Variants in CSNK1G3 observed in about 807,000 individuals in gnomAD.
CSNK1G3 encodes the protein casein kinase 1 gamma 3.
CSNK1G3 carries 23 observed loss-of-function variants against 64.3 expected under a neutral mutation model. That is an observed-to-expected ratio of 0.36 (90% CI 0.26 to 0.51). CSNK1G3 has a LOEUF of 0.51. Among genes scored for constraint, CSNK1G3 ranks in the 20% least tolerant of loss-of-function variants. The pLI is 0.96. For missense variants in CSNK1G3, 357 were observed against 510.5 expected, an observed-to-expected ratio of 0.70 and a Z score of 2.90; for synonymous variants, 158 against 162.2, an observed-to-expected ratio of 0.97 and a Z score of 0.20.
At chr5:123,575,264 C>T (rs1165759979) in intron 5 of CSNK1G3, among the ~76,000 whole-genome samples, 1 of 152,078 alleles carries the variant, frequency 6.6e-6, no homozygotes, top group Admixed American at 6.5e-5. Flanking sequence ...GAAAAAGATA[C>T]TGAATAGTGC....
intron 2 of CSNK1G3, among the ~76,000 whole-genome samples, chr5:123,546,658 G>C (rs1469290719): frequency 6.6e-6 from 1 of 152,058 alleles, no homozygotes; most frequent in Non-Finnish European, 1.5e-5. Flanking sequence ...GGACCACCAA[G>C]AGTGAACTTT....
intron 1 of CSNK1G3, among the ~76,000 whole-genome samples, chr5:123,530,577 A>T (rs997549025): frequency 1.3e-5 from 2 of 152,190 alleles, no homozygotes; most frequent in Admixed American, 1.3e-4. Flanking sequence ...TTATTAAAAA[A>T]ACTGTTGTCT....
intron 2 of CSNK1G3, among the ~76,000 whole-genome samples, chr5:123,550,372 A>T (rs963182530): frequency 6.6e-6 from 1 of 152,186 alleles, no homozygotes; most frequent in Admixed American, 6.5e-5. Context: ...GAGCATATAC[A>T]TTCCTTTCTG....
intron 4 of CSNK1G3, among the ~76,000 whole-genome samples, chr5:123,562,449 GAAAGAAT>G (rs1785942931): frequency 6.6e-6 from 1 of 152,016 alleles, no homozygotes; most frequent in Non-Finnish European, 1.5e-5. Flanking sequence ...GTAAATGGTT[GAAAGAAT>G]AAATTCTTAA....
intron 6 of CSNK1G3, among the ~76,000 whole-genome samples, chr5:123,577,073 T>C (rs2150754561): frequency 6.6e-6 from 1 of 152,244 alleles, no homozygotes; most frequent in East Asian, 1.9e-4. Flanking sequence ...GGTTCCAGAT[T>C]TGGCCACCCG....
chr5:123,572,677 A>G (rs773269024), intron 4 of CSNK1G3, among the ~76,000 whole-genome samples: 4 of 152,118 alleles, frequency 2.6e-5, no homozygotes, highest in Non-Finnish European at 5.9e-5. Context: ...AAGGATTCCT[A>G]TCTGGCATGT....
chr5:123,554,588 A>T lies in CSNK1G3; in HGVS notation c.219+1441A>T, dbSNP rs181264605. On this transcript the variant is annotated intron_variant, in intron 3 of 12. Transcript: ENST00000345990. Reference sequence around the variant, plus strand: ...GGGATCCGCCTGCCTCGGCCTCCCAAAGTGCTGGGATTACAGGCGTGAGCC... The same window carrying T: ...GGGATCCGCCTGCCTCGGCCTCCCATAGTGCTGGGATTACAGGCGTGAGCC... 6.6e-5 allele frequency among the ~76,000 whole-genome samples: 10 copies of T among 152,326 alleles called. No individual in the cohort carries two copies. In the East Asian group the frequency reaches 1.2e-3, roughly 18 times the overall value.
intron 10 of CSNK1G3, among the ~76,000 whole-genome samples, chr5:123,600,635 AAAAG>A (rs1353509545): frequency 1.7e-4 from 26 of 152,072 alleles, no homozygotes; most frequent in African/African-American, 3.4e-4. Flanking sequence ...AAAAAAAAAA[AAAAG>A]AAAGAAAGAA....
intron 1 of CSNK1G3, among the ~76,000 whole-genome samples, chr5:123,520,382 G>T (rs576242598): frequency 6.6e-6 from 1 of 151,844 alleles, no homozygotes. Context: ...TGAGATTTAG[G>T]ATGATTTTTA....
intron 1 of CSNK1G3, among the ~76,000 whole-genome samples, chr5:123,535,786 T>C (rs1011125409): frequency 1.3e-5 from 2 of 152,240 alleles, no homozygotes; most frequent in Middle Eastern, 3.4e-3. Context: ...ATGGATTGCT[T>C]TTCAGATATC....
At chr5:123,590,093 A>T (rs904083224) in intron 8 of CSNK1G3, among the ~76,000 whole-genome samples, 4 of 152,108 alleles carry the variant, frequency 2.6e-5, no homozygotes, top group African/African-American at 9.7e-5. Context: ...TGCATTATTA[A>T]ACTGCTTATT....
rs988947071 is a variant in CSNK1G3 at position 123,573,638 on chromosome 5, C to G, written c.438+97C>G. ...TTTAAAGTTCTGTGATATTGTCTTA[C>G]AGAGCGTTTGACGTAATACAAATGT... On this transcript the variant is annotated intron_variant, in intron 5 of 12. Coordinates refer to ENST00000345990, the Ensembl canonical transcript of CSNK1G3. 2.6e-6 allele frequency: 3 copies of G among 1,138,780 alleles called. No homozygotes were observed. The African/African-American group carries it at 4.7e-5, about 18-fold the overall frequency. 70.5% of individuals were successfully genotyped at this position (1,138,780 alleles called of 1,614,324 possible). A position where few individuals can be genotyped will look rare whatever the true frequency, so the allele number is the denominator to read the frequency against.
intron 4 of CSNK1G3, 121 bp downstream of exon 4, chr5:123,557,685 A>G (rs1784892713): frequency 1.6e-6 from 1 of 624,998 alleles, no homozygotes; most frequent in Non-Finnish European, 2.7e-6. Context: ...TGTTTACTAT[A>G]CGTTTTCTTA....
intron 6 of CSNK1G3, among the ~76,000 whole-genome samples, chr5:123,584,965 C>A (rs1037923664): frequency 1.8e-4 from 28 of 152,060 alleles, no homozygotes; most frequent in Non-Finnish European, 3.2e-4. Flanking sequence ...TTTCTTTTAG[C>A]CTGCTGAGAG....
intron 1 of CSNK1G3, among the ~76,000 whole-genome samples, chr5:123,526,113 C>A (rs1377044231): frequency 1.3e-5 from 2 of 152,120 alleles, no homozygotes; most frequent in East Asian, 3.8e-4. Context: ...TCATGGCTCC[C>A]TGCAGCCTCA....
At chr5:123,537,739 A>G (rs1781076988) in intron 1 of CSNK1G3, among the ~76,000 whole-genome samples, 1 of 152,118 alleles carries the variant, frequency 6.6e-6, no homozygotes, top group Non-Finnish European at 1.5e-5. Flanking sequence ...ATATAGTTTG[A>G]TGAGTTTTGG....
At chr5:123,516,937 G>A (rs983780037) in intron 1 of CSNK1G3, among the ~76,000 whole-genome samples, 4 of 151,742 alleles carry the variant, frequency 2.6e-5, no homozygotes, top group Admixed American at 6.6e-5. Flanking sequence ...GCTACATTTG[G>A]AAAAAAAGGG....
At chr5:123,577,381 A>T (rs1467692022) in intron 6 of CSNK1G3, among the ~76,000 whole-genome samples, 1 of 152,114 alleles carries the variant, frequency 6.6e-6, no homozygotes, top group East Asian at 1.9e-4. Flanking sequence ...ACATACACAC[A>T]TAGAAATATG....
At chr5:123,521,015 A>G (rs983330902) in intron 1 of CSNK1G3, among the ~76,000 whole-genome samples, 5 of 152,124 alleles carry the variant, frequency 3.3e-5, no homozygotes, top group South Asian at 2.1e-4. Flanking sequence ...AATTTATGGT[A>G]TTCTATAAGT....
Sources: gnomAD v4.1 joint callset for allele counts (sites outside exome capture counted in the v4.1 genomes callset) on GRCh38, gnomAD v4.1.1 for gene constraint, MANE v1.5 for transcripts, NCBI Gene and HGNC (gene_info 2026-07-23, HGNC 2026-07-21) for gene names.